The following CASK variants were observed in gnomAD, a reference collection of about 807,000 sequenced individuals.
The protein encoded by CASK is peripheral plasma membrane protein CASK.
Under a neutral mutation model 82.9 loss-of-function variants are expected in CASK, and 4 were observed. The ratio of observed to expected loss-of-function variants is 0.05; its 90% CI spans 0.02 to 0.11. The LOEUF is 0.11. CASK is among the 10% of genes least tolerant of loss of function. The pLI, the probability that CASK is intolerant of heterozygous loss-of-function variation, is 1.00. For missense variants in CASK, 358 were observed against 720.9 expected (o/e 0.50, Z 5.76); for synonymous variants, 259 against 253.5 (o/e 1.02, Z -0.20).
intron 22 of CASK, among the ~76,000 whole-genome samples, chrX:41,541,067 A>G (rs1160833536): frequency 8.9e-6 from 1 of 112,138 alleles, no homozygotes; most frequent in African/African-American, 3.2e-5. Flanking sequence ...AGATGCATAC[A>G]TTTCTCAATT....
In CASK at chrX:41,660,454, A is replaced by G. The variant is rs764996537; in HGVS notation, c.816T>C (p.Asn272=). Residue 272 remains asparagine, a synonymous_variant, in exon 8 of 27, where the codon AAT becomes AAC. Coordinates refer to ENST00000378163, the MANE Select transcript of CASK (RefSeq NM_001367721.1). ...AERITVYEAL[N]HPWLKERDRY... ...GCTCATGTACCTTAAGCCATGGGTGATTCAGTGCTTCATAAACAGTGATCC... is the reference window on the plus strand; with the variant it reads ...GCTCATGTACCTTAAGCCATGGGTGGTTCAGTGCTTCATAAACAGTGATCC... 8.3e-7 allele frequency: 1 copy of G among 1,210,605 alleles called. No homozygotes were observed. The highest frequency in any genetic ancestry group is 3.0e-5 in the East Asian group (1 of 33,869).
chrX:41,660,366 A>G, intron 8 of CASK, 73 bp downstream of exon 8: 1 of 909,745 alleles, frequency 1.1e-6, no homozygotes, highest in Non-Finnish European at 1.6e-6. Flanking sequence ...GGACCATCTC[A>G]TAGAGCAACG....
intron 11 of CASK, among the ~76,000 whole-genome samples, chrX:41,611,356 G>A (rs962419965): frequency 1.8e-5 from 2 of 110,834 alleles, no homozygotes; most frequent in South Asian, 3.8e-4. Flanking sequence ...ATATCAAAAA[G>A]CCTTAAAAAT....
At chrX:41,842,803 C>T (rs1389985800) in intron 2 of CASK, among the ~76,000 whole-genome samples, 1 of 111,585 alleles carries the variant, frequency 9.0e-6, no homozygotes, top group Non-Finnish European at 1.9e-5. Context: ...AGTAGGCAAA[C>T]ACGAGAGATC....
chrX:41,542,363 G>C (rs1170427241), intron 22 of CASK, among the ~76,000 whole-genome samples: 1 of 112,980 alleles, frequency 8.9e-6, no homozygotes, highest in African/African-American at 3.2e-5. Context: ...TCCCAGCCAA[G>C]GATAGATAAG....
At chrX:41,870,033 C>A (rs139190998) in intron 1 of CASK, among the ~76,000 whole-genome samples, 41 of 108,694 alleles carry the variant, frequency 3.8e-4, no homozygotes, top group African/African-American at 1.3e-3. Flanking sequence ...GGGGTCCCAG[C>A]AGGAGAGGAA....
chrX:41,524,939 C>T (rs2064690926), intron 25 of CASK, among the ~76,000 whole-genome samples: 1 of 111,656 alleles, frequency 9.0e-6, no homozygotes, highest in Non-Finnish European at 1.9e-5. Context: ...GGGTAAATAT[C>T]TTGCTGTCAC....
At chrX:41,654,923 A>G in intron 8 of CASK, among the ~76,000 whole-genome samples, 1 of 110,790 alleles carries the variant, frequency 9.0e-6, no homozygotes, top group Non-Finnish European at 1.9e-5. Context: ...CAGGTTAATC[A>G]ATACAAAGAC....
intron 4 of CASK, chrX:41,743,735 T>C (rs1242369577): frequency 1.0e-5 from 3 of 295,763 alleles, no homozygotes; most frequent in African/African-American, 5.5e-5. Context: ...TTGTCTAAGA[T>C]GCTATAATTG....
intron 12 of CASK, among the ~76,000 whole-genome samples, chrX:41,594,698 G>A (rs1421410526): frequency 4.5e-5 from 5 of 112,015 alleles, no homozygotes; most frequent in Non-Finnish European, 1.9e-5. Context: ...AGCCTGGCTG[G>A]AGCCATCTGG....
intron 12 of CASK, among the ~76,000 whole-genome samples, chrX:41,592,951 T>C (rs780093890): frequency 1.5e-4 from 17 of 112,119 alleles, no homozygotes; most frequent in Admixed American, 1.1e-3. Context: ...GAATCTCTTT[T>C]GAGGCACTGC....
chrX:41,742,418 TAAG>T (rs981788775), intron 4 of CASK, among the ~76,000 whole-genome samples: 8 of 111,535 alleles, frequency 7.2e-5, no homozygotes, highest in African/African-American at 2.6e-4. Flanking sequence ...TGGTACTAGT[TAAG>T]AAGATCTCTG....
intron 5 of CASK, among the ~76,000 whole-genome samples, chrX:41,732,866 G>C (rs937510823): frequency 9.1e-6 from 1 of 109,473 alleles, no homozygotes; most frequent in African/African-American, 3.3e-5. Context: ...CAGTAGCTAG[G>C]ACCACAGGTG....
In CASK at chrX:41,550,733, C is replaced by CAA. The variant is rs1251401309; in HGVS notation, c.2039+2984_2039+2985dup. Among the ~76,000 whole-genome samples the CAA allele has an allele frequency of 1.7e-3, 102 of 59,337 alleles. 1 individual carries two copies. The highest frequency in any genetic ancestry group is 5.7e-3 in the African/African-American group (93 of 16,339). 51.5% of individuals were successfully genotyped at this position (59,337 alleles called of 115,157 possible). ...GCAACATAGTGAGACCTCATCTCTA[C>CAA]AAAAAAAAAAAAAAGAAAAAGAAAA... On this transcript the variant is annotated intron_variant, in intron 21 of 26. Coordinates refer to ENST00000378163, the MANE Select transcript of CASK (RefSeq NM_001367721.1).
At chrX:41,833,873 C>T (rs775620246) in intron 2 of CASK, among the ~76,000 whole-genome samples, 11 of 111,377 alleles carry the variant, frequency 9.9e-5, no homozygotes, top group Non-Finnish European at 1.9e-4. Context: ...CTCAGCCTCC[C>T]AGGTAGTTGG....
At chrX:41,661,264 G>C (rs933170142) in intron 7 of CASK, among the ~76,000 whole-genome samples, 1 of 111,595 alleles carries the variant, frequency 9.0e-6, no homozygotes, top group African/African-American at 3.3e-5. Context: ...GGATATGTCT[G>C]AGACCCAGAA....
At chrX:41,764,993 C>T (rs182511942) in intron 3 of CASK, among the ~76,000 whole-genome samples, 1 of 112,035 alleles carries the variant, frequency 8.9e-6, no homozygotes, top group East Asian at 2.8e-4. Context: ...AGTACTTTTT[C>T]GAGTCTGGCA....
At chrX:41,803,030 A>C (rs1035273125) in intron 2 of CASK, among the ~76,000 whole-genome samples, 2 of 111,372 alleles carry the variant, frequency 1.8e-5, no homozygotes, top group African/African-American at 6.5e-5. Context: ...AAGCCAAAAA[A>C]ACCAAAAAAG....
intron 3 of CASK, among the ~76,000 whole-genome samples, chrX:41,779,643 T>C (rs2069435724): frequency 8.9e-6 from 1 of 111,780 alleles, no homozygotes; most frequent in South Asian, 3.7e-4. Context: ...AAAATCAAAA[T>C]AGATTATATA....
Sources: allele counts gnomAD v4.1 joint callset (sites outside exome capture counted in the v4.1 genomes callset), GRCh38; gene constraint gnomAD v4.1.1; transcripts MANE v1.5; gene names NCBI Gene and HGNC (gene_info 2026-07-23, HGNC 2026-07-21).